Variants in GPHN observed in about 807,000 individuals in gnomAD.
GPHN encodes gephyrin.
A neutral mutation model predicts 95.5 loss-of-function variants in GPHN; 17 were observed. The ratio of observed to expected loss-of-function variants is 0.18; its 90% CI spans 0.12 to 0.27. GPHN has a LOEUF of 0.27. Among genes scored for constraint, GPHN ranks in the 10% least tolerant of loss-of-function variants. The pLI is 1.00. For missense variants in GPHN, 660 were observed against 978.1 expected, an observed-to-expected ratio of 0.67 and a Z score of 4.34; for synonymous variants, 320 against 322.5, an observed-to-expected ratio of 0.99 and a Z score of 0.08.
the GPHN span, among the ~76,000 whole-genome samples, chr14:67,316,326 C>T: frequency 6.6e-6 from 1 of 152,042 alleles, no homozygotes; most frequent in Admixed American, 6.6e-5. Context: ...TAAAAAATGG[C>T]TAACACATAT....
chr14:67,014,384 A>G (rs1055419462), intron 9 of GPHN, among the ~76,000 whole-genome samples: 3 of 152,114 alleles, frequency 2.0e-5, no homozygotes, highest in African/African-American at 7.2e-5. Flanking sequence ...CAAAATTCAA[A>G]TCTAGACAGT....
chr14:66,850,293 A>T (rs114747865), intron 4 of GPHN, among the ~76,000 whole-genome samples: 1 of 152,186 alleles, frequency 6.6e-6, no homozygotes, highest in Admixed American at 6.6e-5. Context: ...TCATTTTTCT[A>T]TATAGGAATT....
At chr14:66,514,685 A>AT (rs765176232) in intron 1 of GPHN, among the ~76,000 whole-genome samples, 31 of 152,172 alleles carry the variant, frequency 2.0e-4, no homozygotes, top group Non-Finnish European at 3.7e-4. Context: ...AAATATTTAG[A>AT]TTTTTTATTT....
chr14:66,599,517 A>C (rs956084397), intron 1 of GPHN, among the ~76,000 whole-genome samples: 2 of 150,986 alleles, frequency 1.3e-5, no homozygotes, highest in African/African-American at 4.9e-5. Flanking sequence ...AGAAAACATT[A>C]AGTTGTCTGC....
At chr14:67,691,264 G>A in the GPHN span, 3 of 1,573,690 alleles carry the variant, frequency 1.9e-6, no homozygotes, top group East Asian at 2.2e-5. Flanking sequence ...CAAGACGATG[G>A]AGCGTGGAAG....
chr14:67,437,950 A>G, the GPHN span, among the ~76,000 whole-genome samples: 1 of 152,058 alleles, frequency 6.6e-6, no homozygotes, highest in Non-Finnish European at 1.5e-5. Flanking sequence ...CCTCATTTTT[A>G]TATGTGGTTA....
the GPHN span, among the ~76,000 whole-genome samples, chr14:67,497,048 T>A: frequency 6.6e-6 from 1 of 151,936 alleles, no homozygotes; most frequent in Non-Finnish European, 1.5e-5. Flanking sequence ...CGCCTCAGCC[T>A]CCCAAAGTGC....
At chr14:67,259,674 G>T in the GPHN span, among the ~76,000 whole-genome samples, 1 of 151,952 alleles carries the variant, frequency 6.6e-6, no homozygotes, top group Non-Finnish European at 1.5e-5. Flanking sequence ...GCCCTGAGAG[G>T]CTGAGGCAGG....
chr14:67,562,559 C>G, the GPHN span: 1 of 1,611,824 alleles, frequency 6.2e-7, no homozygotes, highest in Non-Finnish European at 8.5e-7. Context: ...TGGCAGCAGT[C>G]TGACCCTACC....
chr14:66,781,606 T>G (rs1480434513), intron 3 of GPHN, among the ~76,000 whole-genome samples: 1 of 152,246 alleles, frequency 6.6e-6, no homozygotes, highest in East Asian at 1.9e-4. Context: ...CAATTCATGT[T>G]TGCTCTCTTT....
chr14:67,116,311 G>A (rs1173402474), intron 16 of GPHN, among the ~76,000 whole-genome samples: 2 of 146,242 alleles, frequency 1.4e-5, no homozygotes, highest in Non-Finnish European at 3.0e-5. Flanking sequence ...AAGAAAGAAA[G>A]AAAAAGAAAG....
intron 6 of GPHN, among the ~76,000 whole-genome samples, chr14:66,919,185 C>A (rs2066073500): frequency 6.6e-6 from 1 of 152,170 alleles, no homozygotes; most frequent in Admixed American, 6.5e-5. Flanking sequence ...AGAACTTTAG[C>A]TCTCTGGACA....
intron 10 of GPHN, among the ~76,000 whole-genome samples, chr14:67,054,590 GA>G (rs1266838200): frequency 6.6e-6 from 1 of 151,874 alleles, no homozygotes; most frequent in South Asian, 2.1e-4. Context: ...CACAGAATTA[GA>G]AAAAAACTAC....
the GPHN span, among the ~76,000 whole-genome samples, chr14:67,313,741 A>G: frequency 1.3e-5 from 2 of 152,016 alleles, no homozygotes; most frequent in Non-Finnish European, 2.9e-5. Context: ...TCGCTTACAT[A>G]CTTTACTTGA....
chr14:66,616,715 T>A lies in GPHN; in HGVS notation c.65-64392T>A, dbSNP rs950007644. ...TTAGGGGCATGGGGAACAGGACCCC[T>A]TTTTTTTTTAGACGGAGTCTCGCTA... On this transcript the variant is annotated intron_variant, in intron 1 of 22. Transcript: ENST00000478722. 2.0e-5 allele frequency among the ~76,000 whole-genome samples: 3 copies of A among 146,904 alleles called. No homozygotes were observed. The East Asian group carries it at 5.9e-4, about 29-fold the overall frequency.
the GPHN span, among the ~76,000 whole-genome samples, chr14:67,596,295 A>ATCTTTTTTT: frequency 1.7e-5 from 1 of 60,228 alleles, no homozygotes; most frequent in Non-Finnish European, 2.8e-5. Context: ...CGCCCAGCTA[A>ATCTTTTTTT]TTTTTTTTTT....
At chr14:67,486,827 G>T in the GPHN span, among the ~76,000 whole-genome samples, 2 of 152,184 alleles carry the variant, frequency 1.3e-5, no homozygotes, top group East Asian at 1.9e-4. Flanking sequence ...GACGGCTCCC[G>T]CATGTGATGG....
chr14:67,268,740 A>G, the GPHN span, among the ~76,000 whole-genome samples: 2 of 152,068 alleles, frequency 1.3e-5, no homozygotes, highest in African/African-American at 2.4e-5. Context: ...CTTTACCCCA[A>G]CCTGTTTTGT....
chr14:66,646,414 G>C (rs911180249), intron 1 of GPHN, among the ~76,000 whole-genome samples: 1 of 152,016 alleles, frequency 6.6e-6, no homozygotes, highest in South Asian at 2.1e-4. Flanking sequence ...ACAGTATAAT[G>C]GTTCCTCAAA....
Sources: allele counts gnomAD v4.1 joint callset (sites outside exome capture counted in the v4.1 genomes callset), GRCh38; gene constraint gnomAD v4.1.1; transcripts MANE v1.5; gene names NCBI Gene and HGNC (gene_info 2026-07-23, HGNC 2026-07-21).